Variants in GRHL2 observed in about 807,000 individuals in gnomAD.
GRHL2 encodes the protein grainyhead-like protein 2 homolog.
Under a neutral mutation model 83.8 loss-of-function variants are expected in GRHL2, and 21 were observed. The ratio of observed to expected loss-of-function variants is 0.25; its 90% confidence interval spans 0.18 to 0.36. The LOEUF (loss-of-function observed/expected upper bound fraction) is 0.36. Among genes scored for constraint, GRHL2 ranks in the 10% least tolerant of loss-of-function variants. GRHL2 has a pLI of 1.00. For synonymous variants in GRHL2, 280 were observed against 278.9 expected, an observed-to-expected ratio of 1.00 and a Z score of -0.04; for missense variants, 623 against 781.8, an observed-to-expected ratio of 0.80 and a Z score of 2.42.
intron 8 of GRHL2, among the ~76,000 whole-genome samples, chr8:101,615,835 C>G (rs965956839): frequency 6.6e-6 from 1 of 152,132 alleles, no homozygotes; most frequent in Non-Finnish European, 1.5e-5. Flanking sequence ...AGCACAGCTT[C>G]AGGAACTTGG....
chr8:101,675,107 G>C, the GRHL2 span, among the ~76,000 whole-genome samples: 1 of 152,112 alleles, frequency 6.6e-6, no homozygotes, highest in African/African-American at 2.4e-5. Flanking sequence ...ATATCATACT[G>C]AATGGGCAAA....
intron 4 of GRHL2, among the ~76,000 whole-genome samples, chr8:101,568,439 G>A (rs559025386): frequency 1.4e-4 from 22 of 152,190 alleles, no homozygotes; most frequent in South Asian, 6.2e-4. Flanking sequence ...GGGTCAGAGC[G>A]AAGCTCACCA....
chr8:101,652,339 GTATGTGTGTGGTGTGTGTGGTGT>G (rs1813646833), intron 14 of GRHL2, among the ~76,000 whole-genome samples: 1 of 102,330 alleles, frequency 9.8e-6, no homozygotes, highest in Non-Finnish European at 1.8e-5. Flanking sequence ...TGGTGTGTGT[GTATGTGTGTGGTGTGTGTGGTGT>G]GTGTGTGTCT....
At chr8:101,678,709 T>G in the GRHL2 span, among the ~76,000 whole-genome samples, 1 of 151,856 alleles carries the variant, frequency 6.6e-6, no homozygotes, top group Admixed American at 6.6e-5. Flanking sequence ...AGAGCAGTGG[T>G]TCTCCCAGCA....
At chr8:101,538,185 G>A (rs565079735) in intron 1 of GRHL2, among the ~76,000 whole-genome samples, 5 of 152,270 alleles carry the variant, frequency 3.3e-5, no homozygotes, top group African/African-American at 7.2e-5. Context: ...ATCTTTAGAC[G>A]GGGAAAATGT....
intron 8 of GRHL2, among the ~76,000 whole-genome samples, chr8:101,614,634 C>T (rs1033242653): frequency 4.6e-5 from 7 of 152,128 alleles, no homozygotes; most frequent in African/African-American, 1.7e-4. Flanking sequence ...CCCTCTAATA[C>T]ATATTTACAA....
intron 1 of GRHL2, among the ~76,000 whole-genome samples, chr8:101,500,823 T>C (rs746323476): frequency 2.2e-4 from 33 of 147,708 alleles, no homozygotes; most frequent in Non-Finnish European, 4.3e-4. Flanking sequence ...AAGTGTGTTT[T>C]ATGCTGTAAG....
chr8:101,528,495 A>G (rs1191528577), intron 1 of GRHL2, among the ~76,000 whole-genome samples: 1 of 152,004 alleles, frequency 6.6e-6, no homozygotes, highest in Non-Finnish European at 1.5e-5. Flanking sequence ...AAGTTGGAAC[A>G]TCAATAAGTC....
chr8:101,581,769 A>G (rs565102173), intron 7 of GRHL2, among the ~76,000 whole-genome samples: 1 of 152,366 alleles, frequency 6.6e-6, no homozygotes, highest in Non-Finnish European at 1.5e-5. Context: ...ACTAGGGGCA[A>G]GAAGATGACT....
In GRHL2 at chr8:101,649,454, T is replaced by C. The variant is rs770856193; in HGVS notation, c.1653T>C (p.Asp551=). The C allele has an allele frequency of 1.9e-6, 3 of 1,614,100 alleles. No homozygotes were observed. The East Asian group carries it at 6.7e-5, about 36-fold the overall frequency. Residue 551 remains aspartate (D), a synonymous_variant, in exon 14 of 16, where the codon GAT becomes GAC. Coordinates refer to ENST00000646743, the MANE Select transcript of GRHL2 (RefSeq NM_024915.4). ...YVRKETDDVF[D]ALMLKSPTVK... ...GGAAGGAGACTGACGATGTGTTCGA[T>C]GCATTGATGTTGAAGTCTCCCACAG...
intron 14 of GRHL2, among the ~76,000 whole-genome samples, chr8:101,656,010 G>A (rs1813777240): frequency 6.6e-6 from 1 of 152,224 alleles, no homozygotes; most frequent in Non-Finnish European, 1.5e-5. Context: ...TATGGACAAG[G>A]CTCACTTCTT....
At chr8:101,678,079 G>A in the GRHL2 span, among the ~76,000 whole-genome samples, 1 of 152,220 alleles carries the variant, frequency 6.6e-6, no homozygotes, top group African/African-American at 2.4e-5. Flanking sequence ...CGAGGGAAGA[G>A]AAGGAGGTCC....
intron 1 of GRHL2, among the ~76,000 whole-genome samples, chr8:101,534,935 C>T (rs1811011765): frequency 6.6e-6 from 1 of 152,176 alleles, no homozygotes; most frequent in African/African-American, 2.4e-5. Flanking sequence ...TTCTCTAATC[C>T]TCATCACGGC....
chr8:101,570,438 A>T (rs1327376883), intron 5 of GRHL2, 44 bp downstream of exon 5: 2 of 1,453,688 alleles, frequency 1.4e-6, no homozygotes. Context: ...ATTAACTGAT[A>T]AACCTTTAAA....
chr8:101,653,863 G>A (rs1256805004), intron 14 of GRHL2, among the ~76,000 whole-genome samples: 1 of 152,172 alleles, frequency 6.6e-6, no homozygotes, highest in Non-Finnish European at 1.5e-5. Flanking sequence ...TTGAATTGAA[G>A]CCCATTAATG....
intron 1 of GRHL2, among the ~76,000 whole-genome samples, chr8:101,531,624 C>T (rs2130083500): frequency 6.6e-6 from 1 of 152,286 alleles, no homozygotes; most frequent in South Asian, 2.1e-4. Flanking sequence ...GCCATCTCTA[C>T]AAATTCTCTC....
downstream of GRHL2, among the ~76,000 whole-genome samples, chr8:101,671,519 A>T (rs1052894504): frequency 6.6e-6 from 1 of 152,226 alleles, no homozygotes. Context: ...TTGATTAGGC[A>T]AACAAAGCAG....
chr8:101,595,986 G>A (rs538052724), intron 7 of GRHL2, among the ~76,000 whole-genome samples: 3 of 152,176 alleles, frequency 2.0e-5, no homozygotes, highest in South Asian at 4.2e-4. Context: ...CTGGTGTGGT[G>A]GCAGGCACCT....
In GRHL2 at chr8:101,608,735, TCACACACACACACA is replaced by T. The variant is rs72332231; in HGVS notation, c.1098+9614_1098+9627del. Among the ~76,000 whole-genome samples, 928 of 144,770 alleles carry T rather than the reference TCACACACACACACA, an allele frequency of 6.4e-3. 72 individuals are homozygous for T. The highest frequency in any genetic ancestry group is 0.021 in the African/African-American group (803 of 37,758). 95.0% of individuals were successfully genotyped at this position (144,770 alleles called of 152,430 possible). On this transcript the variant is annotated intron_variant, in intron 8 of 15. Coordinates refer to ENST00000646743, the MANE Select transcript of GRHL2 (RefSeq NM_024915.4). ...ATTTGCTTTGTCTCTGCTCACTCTCTCACACACACACACACACACACACACACACACACACACAC... is the reference window on the plus strand; with the variant it reads ...ATTTGCTTTGTCTCTGCTCACTCTCTCACACACACACACACACACACACAC...
Sources: gnomAD v4.1 joint callset for allele counts (sites outside exome capture counted in the v4.1 genomes callset) on GRCh38, gnomAD v4.1.1 for gene constraint, MANE v1.5 for transcripts, NCBI Gene and HGNC (gene_info 2026-07-23, HGNC 2026-07-21) for gene names.